The following DUOX2 variants were observed in gnomAD, a reference collection of about 807,000 sequenced individuals.
DUOX2 encodes the protein dual oxidase 2.
In DUOX2, 185 loss-of-function variants were observed where a neutral mutation model predicts 183.3. The ratio of observed to expected loss-of-function variants is 1.01; its 90% CI spans 0.90 to 1.14. The LOEUF (loss-of-function observed/expected upper bound fraction) is 1.14. Ranked by LOEUF, DUOX2 falls within the 50% of genes most tolerant of loss-of-function variation. The probability of loss-of-function intolerance (pLI) is 0.00; values close to 1 mark genes in which losing one functional copy is unlikely to be tolerated. For missense variants in DUOX2, 1,999 were observed against 2,022.9 expected (o/e 0.99, Z 0.23); for synonymous variants, 788 against 812.4 (o/e 0.97, Z 0.51).
chr15:45,098,706 C>CT (rs71893815), intron 26 of DUOX2, among the ~76,000 whole-genome samples: 12,837 of 144,990 alleles, frequency 0.089, 594 homozygotes, highest in African/African-American at 0.13. Context: ...TATTTCTTTC[C>CT]TTTTTTTTTT....
Position 45,107,335 on chromosome 15 carries a change from C to T in DUOX2, c.1693+10G>A, listed in dbSNP as rs76411432. ...ACTGTCACTCACTTGTGTTCTCCCA[C>T]GGCACTCACCTTTATGCCAGACAAA... On this transcript the variant is annotated intron_variant, in intron 14 of 33. Coordinates refer to ENST00000389039, the MANE Select transcript of DUOX2 (RefSeq NM_001363711.2). The T allele has an allele frequency of 4.2e-3, 6,715 of 1,613,548 alleles. 212 individuals are homozygous for T. In the African/African-American group the frequency reaches 0.074, roughly 18 times the overall value.
At chr15:45,105,178 C>T (rs547491690) in intron 18 of DUOX2, among the ~76,000 whole-genome samples, 8 of 152,340 alleles carry the variant, frequency 5.3e-5, no homozygotes, top group African/African-American at 1.9e-4. Flanking sequence ...AAGCACTGTA[C>T]ATAAAACAAT....
rs200434528 is a variant in DUOX2 at position 45,113,037 on chromosome 15, C to A, written c.110G>T (p.Arg37Leu). 3.7e-6 allele frequency: 6 copies of A among 1,614,046 alleles called. No homozygotes were observed. The highest frequency in any genetic ancestry group is 5.1e-6 in the Non-Finnish European group (6 of 1,180,020). The change falls in exon 3 of 34, where the codon CGC (arginine) becomes CTC (leucine). Residue 37 changes from arginine (R) to leucine (L), a missense_variant. Arg to Leu is a moderately radical substitution (Grantham distance 102, BLOSUM62 -2). Coordinates refer to ENST00000389039, the MANE Select transcript of DUOX2 (RefSeq NM_001363711.2). Reference protein sequence around the residue: ...DALSLPWEVQRYDGWFNNLRH... With the variant: ...DALSLPWEVQLYDGWFNNLRH... ...CAGGTTGTTAAACCAGCCGTCATAG[C>A]GCTGCACTTCCCAGGGCAGTGAGAG...
chr15:45,096,094 G>T (rs1259350996), intron 29 of DUOX2, 34 bp from the exon 30 acceptor site: 2 of 1,576,722 alleles, frequency 1.3e-6, no homozygotes, highest in Admixed American at 3.3e-5. Context: ...GCACAGATGA[G>T]AAGGCCTGCT....
chr15:45,100,409 A>T, intron 23 of DUOX2, 181 bp from the exon 24 acceptor site: 1 of 629,292 alleles, frequency 1.6e-6, no homozygotes, highest in South Asian at 2.0e-5. Flanking sequence ...TCTTTGCTCC[A>T]TCCACCCACT....
At chr15:45,098,335 G>A (rs776697271) in intron 26 of DUOX2, among the ~76,000 whole-genome samples, 18 of 152,280 alleles carry the variant, frequency 1.2e-4, no homozygotes, top group Non-Finnish European at 2.2e-4. Flanking sequence ...TAAGCTCCAT[G>A]AGGGCAGGGA....
Position 45,106,917 on chromosome 15 carries a change from ACACTGGG to A in DUOX2, c.1739_1745del (p.Pro580LeufsTer4). 6.3e-7 allele frequency: 1 copy of A among 1,582,158 alleles called. No individual in the cohort carries two copies. Among genetic ancestry groups the A allele is most frequent in the African/African-American group, 1.3e-5 (1 of 74,896 alleles). On this transcript the variant is annotated frameshift_variant, in exon 15 of 34. Coordinates refer to ENST00000389039, the MANE Select transcript of DUOX2 (RefSeq NM_001363711.2). LOFTEE classifies it high-confidence loss of function. Reference sequence around the variant, plus strand: ...AGAAGTCAAGCACAGTCAGGGGTGCACACTGGGGCAGGCCGTCAGTTGTGAGCTGCTT... The same window carrying A: ...AGAAGTCAAGCACAGTCAGGGGTGCAGCAGGCCGTCAGTTGTGAGCTGCTT...
rs2141146550 is a variant in DUOX2, at chr15:45,101,855, T to C, written c.2789A>G (p.Asp930Gly). 2 of 1,614,184 alleles carry C rather than the reference T, an allele frequency of 1.2e-6. No homozygotes were observed. Among genetic ancestry groups the C allele is most frequent in the South Asian group, 2.2e-5 (2 of 91,070 alleles). ...CGTGAAGCGGAGCTCGCTGTCATGG[T>C]CCCGCAGCATGAAGTGAAAATCCTC... ...TWEDFHFMLR[D>G]HDSELRFTQL... Residue 930 changes from aspartate to glycine, a missense_variant, in exon 21 of 34, where the codon GAC becomes GGC. By Grantham distance (94) the Asp-to-Gly change is moderately conservative. This residue lies in a region of DUOX2 where 1,628 missense variants were observed against 1,608.6 expected (regional missense o/e 1.01). Coordinates refer to ENST00000389039, the MANE Select transcript of DUOX2 (RefSeq NM_001363711.2).
intron 11 of DUOX2, 51 bp from the exon 12 acceptor site, chr15:45,109,003 T>A (rs746907103): frequency 3.7e-5 from 60 of 1,609,784 alleles, no homozygotes; most frequent in Non-Finnish European, 4.9e-5. Context: ...CCATCCTTTT[T>A]TGCCCTGCAG....
In DUOX2 at chr15:45,108,154, G is replaced by C. The variant is rs927259649; in HGVS notation, c.1467C>G (p.Leu489=). ...LSQLELLLGG[L]LESHGDPGPL... is the part of the protein sequence containing the mutation. ...GTCCAGGGTCCCCATGGCTCTCCAG[G>C]AGCCCCCCAAGGAGCAGCTCTAGCT... Residue 489 remains leucine, a synonymous_variant, in exon 13 of 34, where the codon CTC becomes CTG. Coordinates refer to ENST00000389039, the MANE Select transcript of DUOX2 (RefSeq NM_001363711.2). 1 of 1,614,148 alleles carries C rather than the reference G, an allele frequency of 6.2e-7. No homozygotes were observed. The highest frequency in any genetic ancestry group is 8.5e-7 in the Non-Finnish European group (1 of 1,180,008).
Position 45,106,638 on chromosome 15 carries a change from C to T in DUOX2, c.1835G>A (p.Ser612Asn). Residue 612 changes from serine (S) to asparagine (N), a missense_variant, in exon 16 of 34, where the codon AGT becomes AAT. By Grantham distance (46) the Ser-to-Asn change is conservative. Around this residue, in one of 3 missense-constraint regions of DUOX2, gnomAD observed 1,628 missense variants for 1,608.6 expected, o/e 1.01. Transcript: ENST00000389039. The stretch of plus-strand genomic sequence containing the variant: ...GGCCACCACTCCAGAGAGAAGCAGA[C>T]TCACTGAAGTGGATCAGAAGGAACA... ...IIALCCLPLV[S>N]LLLSGVVAYF... The T allele has an allele frequency of 6.2e-7, 1 of 1,614,210 alleles. No individual in the cohort carries two copies. Among genetic ancestry groups the T allele is most frequent in the Non-Finnish European group, 8.5e-7 (1 of 1,180,042 alleles).
At chr15:45,098,724 A>G (rs1893973097) in intron 26 of DUOX2, among the ~76,000 whole-genome samples, 1 of 150,480 alleles carries the variant, frequency 6.6e-6, no homozygotes, top group African/African-American at 2.5e-5. Context: ...TTTTTTCAAG[A>G]CAGAGTCTTG....
intron 7 of DUOX2, among the ~76,000 whole-genome samples, 160 bp downstream of exon 7, chr15:45,110,951 G>C (rs894423810): frequency 6.7e-6 from 1 of 150,094 alleles, no homozygotes; most frequent in Non-Finnish European, 1.5e-5. Context: ...TAAACAGCGC[G>C]TGCCTCCCTA....
At chr15:45,103,696 G>A (rs942821770) in intron 20 of DUOX2, among the ~76,000 whole-genome samples, 1 of 146,516 alleles carries the variant, frequency 6.8e-6, no homozygotes, top group African/African-American at 2.7e-5. Context: ...GGCCATATTG[G>A]TGTTGGGTTT....
In DUOX2 at chr15:45,108,968, G is replaced by A. The variant is rs767953464; in HGVS notation, c.1235-16C>T. 2.5e-6 allele frequency: 4 copies of A among 1,614,086 alleles called. No homozygotes were observed. The highest frequency in any genetic ancestry group is 3.4e-4 in the Middle Eastern group (2 of 5,962). On this transcript the variant is annotated splice_polypyrimidine_tract_variant and intron_variant, in intron 11 of 33. Transcript: ENST00000389039. ...GGCCAGTAATCTGAAGAGGAGAGAA[G>A]ACTAGACTATGGGCTTTGTCCTCTC...
At chr15:45,108,327 G>A in intron 12 of DUOX2, 105 bp from the exon 13 acceptor site, 1 of 1,350,140 alleles carries the variant, frequency 7.4e-7, no homozygotes, top group Non-Finnish European at 1.0e-6. Flanking sequence ...CCTGGCTGCT[G>A]CTCAGGCCTG....
chr15:45,106,236 G>C lies in DUOX2; in HGVS notation c.2037C>G (p.Leu679=), dbSNP rs774766067. Residue 679 remains leucine (L), a synonymous_variant, in exon 17 of 34, where the codon CTC becomes CTG. Transcript: ENST00000389039. ...DRCLQVLNRH[L]TVLRVVQLQP... ...GCAGCTGGACCACACGGAGCACAGT[G>C]AGATGCCTGTTCAGGACCTGCAGAC... 1.9e-6 allele frequency: 3 copies of C among 1,614,142 alleles called. No individual in the cohort carries two copies. In the South Asian group the frequency reaches 3.3e-5, roughly 18 times the overall value.
intron 22 of DUOX2, 80 bp from the exon 23 acceptor site, chr15:45,100,918 G>C: frequency 1.3e-5 from 13 of 972,296 alleles, no homozygotes; most frequent in Non-Finnish European, 2.0e-5. Flanking sequence ...ATGGGGTAGA[G>C]GTAGGGAGTG....
intron 25 of DUOX2, 60 bp from the exon 26 acceptor site, chr15:45,099,542 A>T: frequency 6.3e-7 from 1 of 1,589,424 alleles, no homozygotes; most frequent in Non-Finnish European, 8.6e-7. Context: ...TCCGATCCTG[A>T]GGGAGAGAGG....
Sources: allele counts gnomAD v4.1 joint callset (sites outside exome capture counted in the v4.1 genomes callset), GRCh38; gene constraint gnomAD v4.1.1; regional missense constraint gnomAD v4.1.1; transcripts MANE v1.5; gene names NCBI Gene and HGNC (gene_info 2026-07-23, HGNC 2026-07-21).